Variants in KCNN3 observed in about 807,000 individuals in gnomAD.
The protein encoded by KCNN3 is potassium calcium-activated channel subfamily N member 3, also known as small conductance calcium-activated potassium channel protein 3.
KCNN3 carries 16 observed loss-of-function variants against 62.9 expected under a neutral mutation model. The ratio of observed to expected loss-of-function variants is 0.25; its 90% CI spans 0.17 to 0.39. The LOEUF is 0.39. Among genes scored for constraint, KCNN3 ranks in the 10% least tolerant of loss-of-function variants. The pLI, the probability that KCNN3 is intolerant of heterozygous loss-of-function variation, is 1.00. For missense variants in KCNN3, 599 were observed against 949.4 expected (o/e 0.63, Z 4.85); for synonymous variants, 370 against 389.2 (o/e 0.95, Z 0.58).
intron 3 of KCNN3, among the ~76,000 whole-genome samples, chr1:154,754,763 C>T (rs1053579487): frequency 1.1e-4 from 16 of 152,306 alleles, no homozygotes; most frequent in African/African-American, 2.9e-4. Context: ...CCTTTCCGGA[C>T]TTCTTTGGCG....
intron 1 of KCNN3, among the ~76,000 whole-genome samples, chr1:154,855,046 T>C (rs12089942): frequency 0.21 from 31,434 of 151,722 alleles, 3,629 homozygotes; most frequent in Non-Finnish European, 0.28. Context: ...GGAGAAACTT[T>C]GTCTCTACTA....
At chr1:154,865,114 C>T (rs947273486) in intron 1 of KCNN3, among the ~76,000 whole-genome samples, 1 of 152,162 alleles carries the variant, frequency 6.6e-6, no homozygotes, top group South Asian at 2.1e-4. Flanking sequence ...CCTTTCCCTT[C>T]CCTAATTCTT....
intron 2 of KCNN3, among the ~76,000 whole-genome samples, chr1:154,784,549 G>A (rs2101854463): frequency 6.6e-6 from 1 of 152,336 alleles, no homozygotes; most frequent in East Asian, 1.9e-4. Context: ...TGACTCCCAG[G>A]TGGGGCTGGG....
In KCNN3 at chr1:154,822,000, G is replaced by T. The variant is rs1571310012; in HGVS notation, c.1029+89C>A. 4.4e-6 allele frequency: 4 copies of T among 916,818 alleles called. No individual in the cohort carries two copies. The East Asian group carries it at 9.8e-5, about 22-fold the overall frequency. 56.8% of individuals were successfully genotyped at this position (916,818 alleles called of 1,614,324 possible). A position where few individuals can be genotyped will look rare whatever the true frequency, so the allele number is the denominator to read the frequency against. On this transcript the variant is annotated intron_variant, in intron 2 of 7. Transcript: ENST00000271915. Reference sequence around the variant, plus strand: ...AAAATCACCCAAGTAGCTGCTAAGGGAGTGGGTTTTGGGGGTGGGGATGGG... The same window carrying T: ...AAAATCACCCAAGTAGCTGCTAAGGTAGTGGGTTTTGGGGGTGGGGATGGG...
chr1:154,828,948 T>C (rs1651265964), intron 1 of KCNN3, among the ~76,000 whole-genome samples: 1 of 152,228 alleles, frequency 6.6e-6, no homozygotes, highest in Non-Finnish European at 1.5e-5. Flanking sequence ...TCATACAACA[T>C]ATATTCACTG....
intron 1 of KCNN3, among the ~76,000 whole-genome samples, chr1:154,842,801 A>AGT (rs1344992998): frequency 2.6e-5 from 4 of 152,182 alleles, no homozygotes; most frequent in Admixed American, 1.3e-4. Flanking sequence ...TCAAGGGAAG[A>AGT]GTCCGGTTTG....
At chr1:154,714,475 TGTGTGTGTGGTTTGTGTGAG>T (rs1700178412) in intron 6 of KCNN3, among the ~76,000 whole-genome samples, 1 of 127,410 alleles carries the variant, frequency 7.8e-6, no homozygotes, top group Non-Finnish European at 1.6e-5. Flanking sequence ...GTGTGTATGG[TGTGTGTGTGGTTTGTGTGAG>T]GTGTGTGTGG....
intron 1 of KCNN3, among the ~76,000 whole-genome samples, chr1:154,847,158 C>T (rs575906546): frequency 1.3e-5 from 2 of 152,166 alleles, no homozygotes; most frequent in South Asian, 2.1e-4. Flanking sequence ...GTGCCAGGCA[C>T]GTGCTGCTGC....
chr1:154,759,111 A>G (rs1186987527), intron 3 of KCNN3, among the ~76,000 whole-genome samples: 7 of 152,210 alleles, frequency 4.6e-5, no homozygotes, highest in Non-Finnish European at 7.3e-5. Flanking sequence ...CCCGGCCAAA[A>G]AAAATCACAT....
At chr1:154,780,565 A>T (rs1648995385) in intron 2 of KCNN3, among the ~76,000 whole-genome samples, 1 of 124,666 alleles carries the variant, frequency 8.0e-6, no homozygotes, top group East Asian at 2.7e-4. Flanking sequence ...GATTTTCTTA[A>T]GATATATTAT....
At chr1:154,784,642 C>T (rs2101854542) in intron 2 of KCNN3, among the ~76,000 whole-genome samples, 1 of 152,280 alleles carries the variant, frequency 6.6e-6, no homozygotes, top group Middle Eastern at 3.4e-3. Flanking sequence ...AGAAGGATGG[C>T]CAGACAGTTG....
intron 5 of KCNN3, among the ~76,000 whole-genome samples, chr1:154,724,005 A>G (rs182675364): frequency 2.0e-5 from 3 of 152,330 alleles, no homozygotes; most frequent in Non-Finnish European, 4.4e-5. Flanking sequence ...GTGACAAATC[A>G]TGGCTTTTTT....
chr1:154,737,484 G>A (rs1700736031), intron 3 of KCNN3, among the ~76,000 whole-genome samples: 1 of 152,008 alleles, frequency 6.6e-6, no homozygotes, highest in South Asian at 2.1e-4. Flanking sequence ...AGGCAACCAG[G>A]AATCCCCAGA....
intron 1 of KCNN3, among the ~76,000 whole-genome samples, chr1:154,856,505 A>G (rs1652536573): frequency 6.6e-6 from 1 of 152,046 alleles, no homozygotes; most frequent in Non-Finnish European, 1.5e-5. Flanking sequence ...TCCCCTCCTC[A>G]GGCTCCTTCT....
At position 154,862,928 on chromosome 1, in the gene KCNN3, AACG is replaced by A. The variant is rs1236941809; in HGVS notation, c.933+6101_933+6103del. Among the ~76,000 whole-genome samples the A allele has an allele frequency of 7.2e-5, 11 of 152,286 alleles. No individual in the cohort carries two copies. In the South Asian group the frequency reaches 2.1e-3, roughly 29 times the overall value. ...GGAAAGGGCATGAACTTGGGAGCTA[AACG>A]GGCTTGGGTTCTTATCTCAGTGCCA... On this transcript the variant is annotated intron_variant, in intron 1 of 7. Coordinates refer to ENST00000271915, the MANE Select transcript of KCNN3 (RefSeq NM_002249.6). This position sits in a 1 kb window ranked among gnomAD's most constrained non-coding sequence, Gnocchi z 4.1.
intron 2 of KCNN3, among the ~76,000 whole-genome samples, chr1:154,818,798 T>C (rs1650773923): frequency 6.6e-6 from 1 of 152,238 alleles, no homozygotes; most frequent in Admixed American, 6.5e-5. Context: ...AACAGTGTTT[T>C]AGAATTCTTC....
intron 1 of KCNN3, among the ~76,000 whole-genome samples, chr1:154,828,908 G>T (rs535605898): frequency 6.6e-6 from 1 of 152,180 alleles, no homozygotes. Flanking sequence ...TTTGCAATCC[G>T]CATAGCCAAA....
rs971898684 is a variant in KCNN3, at chr1:154,697,898, C to G, written c.*10078G>C. ...CTCAGTTTTCTATGGCCCAATTTTC[C>G]CATTGGAATAATGGGAATAATATGT... On this transcript the variant is annotated 3_prime_UTR_variant, in exon 8 of 8. Coordinates refer to ENST00000271915, the MANE Select transcript of KCNN3 (RefSeq NM_002249.6). The G allele has an allele frequency of 6.6e-6, 1 of 152,076 alleles. No homozygotes were observed. The highest frequency in any genetic ancestry group is 2.4e-5 in the African/African-American group (1 of 41,388). The allele number at this position is 152,076 out of a possible 1,614,324, so 9.4% of individuals were successfully genotyped here.
intron 3 of KCNN3, among the ~76,000 whole-genome samples, chr1:154,759,827 T>C (rs1375914289): frequency 6.6e-6 from 1 of 152,150 alleles, no homozygotes; most frequent in Non-Finnish European, 1.5e-5. Context: ...TGGAATAATT[T>C]GGGGATTGAC....
Sources: gnomAD v4.1 joint callset for allele counts (sites outside exome capture counted in the v4.1 genomes callset) on GRCh38, gnomAD v4.1.1 for gene constraint, Gnocchi (gnomAD v3.1) non-coding constraint, MANE v1.5 for transcripts, NCBI Gene and HGNC (gene_info 2026-07-23, HGNC 2026-07-21) for gene names.